Variants in MAML3 observed in about 807,000 individuals in gnomAD.
The protein encoded by MAML3 is mastermind-like protein 3.
MAML3 carries 27 observed loss-of-function variants against 101.9 expected under a neutral mutation model. The observed-to-expected ratio is 0.27, with a 90% CI of 0.20 to 0.37. The LOEUF (loss-of-function observed/expected upper bound fraction) is 0.37. Among genes scored for constraint, MAML3 ranks in the 10% least tolerant of loss-of-function variants. The pLI is 1.00. For synonymous variants in MAML3, 501 were observed against 555.9 expected (o/e 0.90, Z 1.39); for missense variants, 1,316 against 1,444.9 (o/e 0.91, Z 1.45).
chr4:139,896,155 T>C (rs1017143536), intron 1 of MAML3, among the ~76,000 whole-genome samples: 6 of 152,100 alleles, frequency 3.9e-5, no homozygotes, highest in African/African-American at 1.4e-4. Context: ...GAGCCAGCTA[T>C]GTGGCTGAGA....
intron 1 of MAML3, among the ~76,000 whole-genome samples, chr4:139,927,280 T>G (rs1158582433): frequency 6.6e-6 from 1 of 152,142 alleles, no homozygotes; most frequent in South Asian, 2.1e-4. Context: ...ATAAAAATGA[T>G]GTTGTGTCCT....
chr4:140,153,283 ACTACTG>A lies in MAML3; in HGVS notation c.39_44del (p.Ser14_Ser15del), dbSNP rs1560910708. On this transcript the variant is annotated inframe_deletion, in exon 1 of 5. Coordinates refer to ENST00000509479, the MANE Select transcript of MAML3 (RefSeq NM_018717.5). ...TGTTCAGGCTACTGTTGATGCAAAT[ACTACTG>A]CCATTCGCGGCAGCAGCGGGGGCTG... The A allele has an allele frequency of 6.2e-7, 1 of 1,606,130 alleles. No homozygotes were observed. Among genetic ancestry groups the A allele is most frequent in the Non-Finnish European group, 8.5e-7 (1 of 1,176,136 alleles).
chr4:140,097,796 G>A (rs963251515), intron 1 of MAML3, among the ~76,000 whole-genome samples: 14 of 152,202 alleles, frequency 9.2e-5, no homozygotes, highest in African/African-American at 3.4e-4. Flanking sequence ...CAAGAGGGAA[G>A]TGAAGACTTT....
chr4:139,982,154 G>T (rs1734455747), intron 1 of MAML3, among the ~76,000 whole-genome samples: 1 of 152,138 alleles, frequency 6.6e-6, no homozygotes, highest in Admixed American at 6.5e-5. Context: ...CTTCCACATT[G>T]ATTTTTCCCA....
chr4:139,857,103 T>A (rs1041085125), intron 2 of MAML3, among the ~76,000 whole-genome samples: 1 of 152,190 alleles, frequency 6.6e-6, no homozygotes, highest in Non-Finnish European at 1.5e-5. Context: ...ATCAGCGACA[T>A]TAAACACCAA....
At chr4:140,029,662 C>A (rs1024454215) in intron 1 of MAML3, among the ~76,000 whole-genome samples, 20 of 152,156 alleles carry the variant, frequency 1.3e-4, no homozygotes, top group Admixed American at 5.9e-4. Context: ...TTACATCTAT[C>A]ATTTCAATTT....
intron 1 of MAML3, among the ~76,000 whole-genome samples, chr4:140,027,331 A>T (rs1227848011): frequency 6.6e-6 from 1 of 152,138 alleles, no homozygotes; most frequent in African/African-American, 2.4e-5. Flanking sequence ...CTTTGCTTCC[A>T]TTGCAGTTTG....
chr4:139,855,523 TTC>T (rs1406801218), intron 2 of MAML3, among the ~76,000 whole-genome samples: 1 of 152,240 alleles, frequency 6.6e-6, no homozygotes. Flanking sequence ...TTGCATAGTG[TTC>T]TTTGCTTCAT....
At chr4:139,896,792 A>C (rs7677478) in intron 1 of MAML3, among the ~76,000 whole-genome samples, 1,735 of 152,286 alleles carry the variant, frequency 0.011, 28 homozygotes, top group African/African-American at 0.04. Context: ...TTTCACACAG[A>C]ATCATATTTT....
intron 1 of MAML3, among the ~76,000 whole-genome samples, chr4:140,110,567 T>G (rs35090842): frequency 0.14 from 21,853 of 152,210 alleles, 1,626 homozygotes; most frequent in South Asian, 0.17. Flanking sequence ...AAGTGAACTT[T>G]GACCAGCAAA....
chr4:139,931,717 C>G (rs984989031), intron 1 of MAML3, among the ~76,000 whole-genome samples: 3 of 151,976 alleles, frequency 2.0e-5, no homozygotes, highest in African/African-American at 7.3e-5. Context: ...TGTAAAAGTA[C>G]TTTAGAAATA....
intron 2 of MAML3, among the ~76,000 whole-genome samples, chr4:139,819,786 C>T (rs1730945800): frequency 6.6e-6 from 1 of 152,222 alleles, no homozygotes; most frequent in African/African-American, 2.4e-5. Flanking sequence ...GATCTGAAGA[C>T]TTTCTTTAAC....
chr4:139,923,304 C>G (rs185160249), intron 1 of MAML3, among the ~76,000 whole-genome samples: 4 of 152,346 alleles, frequency 2.6e-5, no homozygotes, highest in Admixed American at 2.6e-4. Context: ...CTGCCCCCTT[C>G]CCTCTGTTAC....
At chr4:139,730,290 TG>T in intron 3 of MAML3, 125 bp downstream of exon 3, 1 of 824,980 alleles carries the variant, frequency 1.2e-6, no homozygotes, top group Non-Finnish European at 1.9e-6. Context: ...CTTGTGATCC[TG>T]GGAAATGCTA....
chr4:139,844,017 T>C (rs181828850), intron 2 of MAML3, among the ~76,000 whole-genome samples: 586 of 152,344 alleles, frequency 3.8e-3, no homozygotes, highest in Non-Finnish European at 5.5e-3. Flanking sequence ...CCTAAGAACA[T>C]TCTGAATCAG....
chr4:139,810,701 G>A (rs1387214348), intron 2 of MAML3, among the ~76,000 whole-genome samples: 2 of 152,038 alleles, frequency 1.3e-5, no homozygotes, highest in African/African-American at 4.8e-5. Context: ...CTATGTGGTA[G>A]GTTTTTTATT....
chr4:139,830,588 ATAT>A (rs1560807293), intron 2 of MAML3, among the ~76,000 whole-genome samples: 1 of 151,062 alleles, frequency 6.6e-6, no homozygotes, highest in African/African-American at 2.5e-5. Context: ...CTAATTTTTT[ATAT>A]TTTTAGTAGA....
chr4:139,949,078 C>T (rs1259451285), intron 1 of MAML3, among the ~76,000 whole-genome samples: 2 of 152,000 alleles, frequency 1.3e-5, no homozygotes, highest in Non-Finnish European at 1.5e-5. Context: ...TGCAGTGGCG[C>T]GATCTCGGCT....
intron 2 of MAML3, among the ~76,000 whole-genome samples, chr4:139,810,185 ATTT>A (rs757041549): frequency 1.0e-4 from 12 of 114,620 alleles, no homozygotes; most frequent in South Asian, 5.5e-4. Flanking sequence ...ACCAAAATTG[ATTT>A]TTTTTTTTTT....
Sources: allele counts gnomAD v4.1 joint callset (sites outside exome capture counted in the v4.1 genomes callset), GRCh38; gene constraint gnomAD v4.1.1; transcripts MANE v1.5; gene names NCBI Gene and HGNC (gene_info 2026-07-23, HGNC 2026-07-21).